The following CACNA1E variants were observed in gnomAD, a reference collection of about 807,000 sequenced individuals.
The protein encoded by CACNA1E is calcium voltage-gated channel subunit alpha1 E, also known as voltage-dependent R-type calcium channel subunit alpha-1E.
In CACNA1E, 40 loss-of-function variants were observed where a neutral mutation model predicts 259.2. The ratio of observed to expected loss-of-function variants is 0.15; its 90% CI spans 0.12 to 0.20. CACNA1E has a LOEUF of 0.20. Among genes scored for constraint, CACNA1E ranks in the 10% least tolerant of loss-of-function variants. The pLI, the probability that CACNA1E is intolerant of heterozygous loss-of-function variation, is 1.00. For missense variants in CACNA1E, 1,874 were observed against 3,040.1 expected, an observed-to-expected ratio of 0.62 and a Z score of 9.02; for synonymous variants, 1,104 against 1,138.5, an observed-to-expected ratio of 0.97 and a Z score of 0.61.
chr1:181,673,747 C>A (rs1487406577), intron 7 of CACNA1E, among the ~76,000 whole-genome samples: 1 of 152,130 alleles, frequency 6.6e-6, no homozygotes, highest in Non-Finnish European at 1.5e-5. Context: ...GTCGACATGA[C>A]CCCACCCCTC....
chr1:181,461,324 G>A (rs868557252), intron 2 of CACNA1E, among the ~76,000 whole-genome samples: 25 of 151,864 alleles, frequency 1.6e-4, no homozygotes, highest in Middle Eastern at 3.2e-3. Context: ...GGCGGATCAC[G>A]AGGTCAGGAG....
At chr1:181,708,148 G>A (rs1287150433) in intron 7 of CACNA1E, among the ~76,000 whole-genome samples, 2 of 152,168 alleles carry the variant, frequency 1.3e-5, no homozygotes, top group African/African-American at 2.4e-5. Flanking sequence ...GGCTGTGGTG[G>A]GCTGTAGGCA....
chr1:181,653,190 C>T (rs1025137834), intron 7 of CACNA1E, among the ~76,000 whole-genome samples: 1 of 151,986 alleles, frequency 6.6e-6, no homozygotes, highest in African/African-American at 2.4e-5. Flanking sequence ...GGTACAGGCC[C>T]AAAATCTGGT....
chr1:181,687,707 A>T (rs1051033893), intron 7 of CACNA1E, among the ~76,000 whole-genome samples: 5 of 152,174 alleles, frequency 3.3e-5, no homozygotes, highest in Non-Finnish European at 7.4e-5. Flanking sequence ...GGGTCATTGT[A>T]TTCATCTACA....
At position 181,427,982 on chromosome 1, in the gene CACNA1E, A is replaced by G. The variant is rs535277256; in HGVS notation, c.434+14402A>G. 2.0e-5 allele frequency among the ~76,000 whole-genome samples: 3 copies of G among 152,254 alleles called. No individual in the cohort carries two copies. In the South Asian group the frequency reaches 6.2e-4, roughly 32 times the overall value. On this transcript the variant is annotated intron_variant, in intron 2 of 11. Transcript: ENST00000524607. ...GAGTATTCCTCAGCATGACTGAACC[A>G]CAGTTTATTCCAGCAACCCTATCAA...
chr1:181,610,588 A>G (rs1654667939), intron 6 of CACNA1E, among the ~76,000 whole-genome samples: 1 of 152,212 alleles, frequency 6.6e-6, no homozygotes, highest in Admixed American at 6.5e-5. Context: ...AGTTTGTTGA[A>G]AAATTTGAAA....
intron 3 of CACNA1E, among the ~76,000 whole-genome samples, chr1:181,572,951 C>A (rs201574281): frequency 6.6e-6 from 1 of 152,084 alleles, no homozygotes; most frequent in African/African-American, 2.4e-5. Flanking sequence ...ACTAAAAAAT[C>A]TTGATATTTT....
chr1:181,798,775 A>T lies in CACNA1E; in HGVS notation c.6883A>T (p.Met2295Leu), dbSNP rs377536482. The T allele has an allele frequency of 1.2e-5, 19 of 1,585,858 alleles. No individual in the cohort carries two copies. The highest frequency in any genetic ancestry group is 1.6e-5 in the Non-Finnish European group (19 of 1,165,500). ...GAGGCGCGGGGGGCCTGGGCCAGGC[A>T]TGATGTGTGGGGCTGTCAACAACCT... The part of the protein sequence containing the change: ...RRRRGGPGPG[M>L]MCGAVNNLLS... The change falls in exon 48 of 48, where the codon ATG becomes TTG. Residue 2295 changes from methionine (M) to leucine (L), a missense_variant. Physicochemically the swap from Met to Leu is conservative, Grantham distance 15 (BLOSUM62 2). Transcript: ENST00000367573. This position sits in a 1 kb window ranked among gnomAD's most constrained non-coding sequence, Gnocchi z 4.2.
chr1:181,710,924 C>A, intron 7 of CACNA1E, 30 bp from the exon 8 acceptor site: 2 of 1,495,772 alleles, frequency 1.3e-6, no homozygotes, highest in Non-Finnish European at 1.9e-6. Context: ...CCTGTCCAAA[C>A]CCAGTGAATC....
Position 181,360,934 on chromosome 1 carries a change from G to A in CACNA1E, c.-15+42811G>A, listed in dbSNP as rs911122520. Among the ~76,000 whole-genome samples the A allele has an allele frequency of 3.4e-4, 51 of 152,106 alleles. 1 individual carries two copies. Among genetic ancestry groups the A allele is most frequent in the African/African-American group, 1.1e-3 (47 of 41,410 alleles). On this transcript the variant is annotated intron_variant, in intron 1 of 11. Coordinates refer to the CACNA1E transcript ENST00000524607. Reference sequence around the variant, plus strand: ...CTGGGAAAGCGGGCAAGGACCCACAGTGCTCTCAGATCCCTTAAACCTGTG... The same window carrying A: ...CTGGGAAAGCGGGCAAGGACCCACAATGCTCTCAGATCCCTTAAACCTGTG...
At chr1:181,636,472 T>A (rs934790980) in intron 6 of CACNA1E, among the ~76,000 whole-genome samples, 1 of 152,212 alleles carries the variant, frequency 6.6e-6, no homozygotes, top group African/African-American at 2.4e-5. Flanking sequence ...TATCACAGAA[T>A]TGGCCTAGAG....
At chr1:181,590,788 A>G (rs1460583331) in intron 6 of CACNA1E, among the ~76,000 whole-genome samples, 1 of 132,540 alleles carries the variant, frequency 7.5e-6, no homozygotes, top group Non-Finnish European at 1.6e-5. Context: ...CTCCCCACTC[A>G]CCATCCCCAA....
intron 6 of CACNA1E, among the ~76,000 whole-genome samples, chr1:181,608,088 G>T (rs2103096216): frequency 6.6e-6 from 1 of 152,290 alleles, no homozygotes; most frequent in South Asian, 2.1e-4. Context: ...ACCTCAACCT[G>T]CCTGAATTGC....
At chr1:181,703,845 G>A (rs530575466) in intron 7 of CACNA1E, among the ~76,000 whole-genome samples, 13 of 148,836 alleles carry the variant, frequency 8.7e-5, no homozygotes, top group Admixed American at 2.0e-4. Flanking sequence ...GGTTCCCCTC[G>A]CCTGATATCC....
chr1:181,680,900 G>T (rs1217312293), intron 7 of CACNA1E, among the ~76,000 whole-genome samples: 1 of 152,182 alleles, frequency 6.6e-6, no homozygotes, highest in Non-Finnish European at 1.5e-5. Flanking sequence ...GGTCAGAGTT[G>T]CTTCCCAGGT....
intron 33 of CACNA1E, 103 bp downstream of exon 33, chr1:181,762,760 C>T (rs1010271792): frequency 2.4e-5 from 17 of 699,842 alleles, no homozygotes; most frequent in African/African-American, 1.9e-5. Context: ...AAAGCAAATG[C>T]GTACCCCTCT....
chr1:181,681,279 G>A (rs147042838), intron 7 of CACNA1E, among the ~76,000 whole-genome samples: 3 of 152,310 alleles, frequency 2.0e-5, no homozygotes, highest in South Asian at 2.1e-4. Flanking sequence ...CTGCAAAGCC[G>A]TATTTTCAAC....
chr1:181,545,843 C>A (rs968461795), intron 3 of CACNA1E, among the ~76,000 whole-genome samples: 11 of 152,152 alleles, frequency 7.2e-5, no homozygotes, highest in African/African-American at 2.7e-4. Flanking sequence ...CCAAGGCTCC[C>A]CCAGGGGCCC....
chr1:181,477,993 G>A (rs1662974826), intron 2 of CACNA1E, among the ~76,000 whole-genome samples: 1 of 152,290 alleles, frequency 6.6e-6, no homozygotes, highest in Admixed American at 6.5e-5. Context: ...TGACTCTTAA[G>A]CAAGGAAAAT....
Sources: allele counts gnomAD v4.1 joint callset (sites outside exome capture counted in the v4.1 genomes callset), GRCh38; gene constraint gnomAD v4.1.1; non-coding constraint Gnocchi (gnomAD v3.1); transcripts MANE v1.5; gene names NCBI Gene and HGNC (gene_info 2026-07-23, HGNC 2026-07-21).